The following ANK3 variants were observed in gnomAD, a reference collection of about 807,000 sequenced individuals.
The protein encoded by ANK3 is ankyrin 3.
A neutral mutation model predicts 370.9 loss-of-function variants in ANK3; 57 were observed. The observed-to-expected ratio is 0.15, with a 90% confidence interval of 0.12 to 0.19. The LOEUF is 0.19. Among genes scored for constraint, ANK3 ranks in the 10% least tolerant of loss-of-function variants. The pLI is 1.00. For synonymous variants in ANK3, 1,929 were observed against 1,946.3 expected, an observed-to-expected ratio of 0.99 and a Z score of 0.23; for missense variants, 4,439 against 5,302.1, an observed-to-expected ratio of 0.84 and a Z score of 5.06.
intron 7 of ANK3, among the ~76,000 whole-genome samples, chr10:60,255,430 C>A (rs2097720462): frequency 6.6e-6 from 1 of 152,186 alleles, no homozygotes; most frequent in Admixed American, 6.5e-5. Context: ...TGGTAAGCAC[C>A]TGGGGACCAA....
At chr10:60,134,743 G>T in intron 24 of ANK3, among the ~76,000 whole-genome samples, 1 of 152,308 alleles carries the variant, frequency 6.6e-6, no homozygotes, top group South Asian at 2.1e-4. Context: ...TCTGGTCTAT[G>T]TCTACTTGAC....
At chr10:60,094,351 C>A (rs1421510735) in intron 28 of ANK3, among the ~76,000 whole-genome samples, 2 of 151,892 alleles carry the variant, frequency 1.3e-5, no homozygotes, top group East Asian at 3.9e-4. Context: ...CCATGCCCAG[C>A]TAATTTTTGT....
intron 42 of ANK3, chr10:60,053,604 C>G (rs1238427029): frequency 1.7e-6 from 2 of 1,174,600 alleles, no homozygotes; most frequent in East Asian, 1.3e-4. Context: ...ACAAGGAAAC[C>G]AAATGGAATT....
At chr10:60,428,252 A>G (rs538983236) in intron 2 of ANK3, among the ~76,000 whole-genome samples, 1 of 152,322 alleles carries the variant, frequency 6.6e-6, no homozygotes, top group East Asian at 1.9e-4. Flanking sequence ...TGTCTGAAAC[A>G]TGACCAAGCA....
intron 42 of ANK3, among the ~76,000 whole-genome samples, chr10:60,046,146 T>A (rs1224638562): frequency 6.6e-6 from 1 of 152,302 alleles, no homozygotes; most frequent in East Asian, 1.9e-4. Context: ...AATGTAGAGG[T>A]CTTGTGTAAA....
intron 2 of ANK3, among the ~76,000 whole-genome samples, chr10:60,534,032 T>G (rs1194832841): frequency 1.3e-5 from 2 of 152,144 alleles, no homozygotes; most frequent in Non-Finnish European, 2.9e-5. Context: ...CACAACCTTT[T>G]CACTACGGAA....
At chr10:60,304,007 G>A (rs923508098) in intron 1 of ANK3, among the ~76,000 whole-genome samples, 1 of 151,808 alleles carries the variant, frequency 6.6e-6, no homozygotes, top group African/African-American at 2.4e-5. Context: ...AAATTAGCCG[G>A]ACACAGAAAG....
At chr10:60,730,248 C>T (rs1368727163) in intron 1 of ANK3, among the ~76,000 whole-genome samples, 1 of 152,070 alleles carries the variant, frequency 6.6e-6, no homozygotes, top group Non-Finnish European at 1.5e-5. Context: ...GCCTCAACCT[C>T]CCAGGCCCAA....
chr10:60,519,448 T>C (rs1400075889), intron 2 of ANK3, among the ~76,000 whole-genome samples: 2 of 152,098 alleles, frequency 1.3e-5, no homozygotes, highest in Admixed American at 1.3e-4. Flanking sequence ...TCCCAGAGGT[T>C]TGGAGGAGGA....
In ANK3 at chr10:60,165,126, G is replaced by A. The variant is rs113869675; in HGVS notation, c.2614+1465C>T. ...CAATGGGGATAATTTTAGATATTTC[G>A]TTAATGAACAGTAAATTTTTAGGTC... On this transcript the variant is annotated intron_variant, in intron 23 of 43. Transcript: ENST00000280772. Among the ~76,000 whole-genome samples, 368 of 152,254 alleles carry A rather than the reference G, an allele frequency of 2.4e-3. 1 individual carries two copies. Among genetic ancestry groups the A allele is most frequent in the African/African-American group, 8.4e-3 (348 of 41,552 alleles).
At chr10:60,064,378 A>G (rs1245728610) in intron 38 of ANK3, 90 bp from the exon 39 acceptor site, 4 of 1,346,666 alleles carry the variant, frequency 3.0e-6, no homozygotes, top group Non-Finnish European at 4.0e-6. Flanking sequence ...ACAAAAAGAA[A>G]AGGGAATTTT....
chr10:60,459,704 T>G (rs1567058406), intron 2 of ANK3, among the ~76,000 whole-genome samples: 1 of 152,168 alleles, frequency 6.6e-6, no homozygotes, highest in Non-Finnish European at 1.5e-5. Flanking sequence ...AAATGCAGCT[T>G]CTTTCTGGAA....
intron 2 of ANK3, among the ~76,000 whole-genome samples, chr10:60,610,809 A>C (rs2078190850): frequency 6.6e-6 from 1 of 152,218 alleles, no homozygotes; most frequent in East Asian, 1.9e-4. Context: ...GAAATCTTTA[A>C]CAACTTAGAG....
chr10:60,345,797 C>G (rs577089258), intron 1 of ANK3, among the ~76,000 whole-genome samples: 1 of 152,244 alleles, frequency 6.6e-6, no homozygotes, highest in African/African-American at 2.4e-5. Flanking sequence ...CTGCATCTCA[C>G]TTCTTTTCTG....
At chr10:60,043,971 T>G in intron 42 of ANK3, 3 of 985,826 alleles carry the variant, frequency 3.0e-6, no homozygotes, top group South Asian at 4.7e-5. Context: ...CAGCAAACAC[T>G]TCAAGCTGCC....
At position 60,089,105 on chromosome 10, in the gene ANK3, G is replaced by A. The variant is rs528165276; in HGVS notation, c.3329-747C>T. Among the ~76,000 whole-genome samples the A allele has an allele frequency of 9.2e-5, 14 of 152,308 alleles. No individual in the cohort carries two copies. In the South Asian group the frequency reaches 1.2e-3, roughly 14 times the overall value. On this transcript the variant is annotated intron_variant, in intron 28 of 43. Transcript: ENST00000280772. ...AAAAACCTCTTTCAAATATTTTAAA[G>A]TTATCCAAATGTTTAGCATCATCAT... is the stretch of plus-strand genomic sequence containing the variant.
intron 2 of ANK3, among the ~76,000 whole-genome samples, chr10:60,396,087 T>TG (rs2063232858): frequency 6.6e-6 from 1 of 152,130 alleles, no homozygotes. Context: ...GGTGATACAA[T>TG]GGGGAATGAA....
chr10:60,691,544 G>T (rs1415374576), intron 1 of ANK3, among the ~76,000 whole-genome samples: 1 of 152,134 alleles, frequency 6.6e-6, no homozygotes, highest in African/African-American at 2.4e-5. Context: ...TAAACTAACG[G>T]CATGTCAAAG....
At chr10:60,558,179 C>T (rs2077253496) in intron 2 of ANK3, among the ~76,000 whole-genome samples, 2 of 152,128 alleles carry the variant, frequency 1.3e-5, no homozygotes, top group Non-Finnish European at 1.5e-5. Flanking sequence ...CTCTTAAAAC[C>T]CATAAGGGTC....
Sources: gnomAD v4.1 joint callset for allele counts (sites outside exome capture counted in the v4.1 genomes callset) on GRCh38, gnomAD v4.1.1 for gene constraint, MANE v1.5 for transcripts, NCBI Gene and HGNC (gene_info 2026-07-23, HGNC 2026-07-21) for gene names.